Variants in AADACL4 observed in about 807,000 individuals in gnomAD.
The protein encoded by AADACL4 is arylacetamide deacetylase like 4, also known as arylacetamide deacetylase-like 4.
AADACL4 carries 9 observed loss-of-function variants against 14.1 expected under a neutral mutation model. The observed-to-expected ratio is 0.64, with a 90% confidence interval of 0.39 to 1.12. AADACL4 has a LOEUF of 1.12. Among genes scored for constraint, AADACL4 ranks in the 50% most tolerant of loss-of-function variants. The pLI is 0.01. For missense variants in AADACL4, 531 were observed against 516.1 expected, an observed-to-expected ratio of 1.03 and a Z score of -0.28; for synonymous variants, 188 against 201.6, an observed-to-expected ratio of 0.93 and a Z score of 0.57.
intron 2 of AADACL4, among the ~76,000 whole-genome samples, chr1:12,654,241 G>GT (rs1647167675): frequency 6.6e-6 from 1 of 152,182 alleles, no homozygotes; most frequent in Non-Finnish European, 1.5e-5. Flanking sequence ...CTACTGTTTG[G>GT]TTTTTGGACA....
At chr1:12,649,241 C>G (rs2100758356) in intron 1 of AADACL4, among the ~76,000 whole-genome samples, 1 of 152,328 alleles carries the variant, frequency 6.6e-6, no homozygotes, top group African/African-American at 2.4e-5. Flanking sequence ...GAACATGACT[C>G]TTGAGCCTGG....
At chr1:12,664,965 C>A (rs997153789) in intron 3 of AADACL4, among the ~76,000 whole-genome samples, 1 of 152,148 alleles carries the variant, frequency 6.6e-6, no homozygotes, top group African/African-American at 2.4e-5. Context: ...TGTTCTTCAC[C>A]AGCTGCTGGC....
intron 2 of AADACL4, among the ~76,000 whole-genome samples, chr1:12,659,416 G>A (rs3000889): frequency 0.013 from 1,947 of 152,296 alleles, 41 homozygotes; most frequent in African/African-American, 0.043. Context: ...CCGGAAAAGA[G>A]CCTTCTAGGT....
chr1:12,664,754 A>G (rs1647284984), intron 3 of AADACL4, among the ~76,000 whole-genome samples: 1 of 152,102 alleles, frequency 6.6e-6, no homozygotes, highest in African/African-American at 2.4e-5. Flanking sequence ...TAAACTCTCT[A>G]CTCCAATCAG....
intron 2 of AADACL4, among the ~76,000 whole-genome samples, chr1:12,655,292 G>A (rs1647174746): frequency 6.6e-6 from 1 of 152,090 alleles, no homozygotes; most frequent in African/African-American, 2.4e-5. Flanking sequence ...AGAGTAACTG[G>A]CCCCTGAGTC....
intron 3 of AADACL4, among the ~76,000 whole-genome samples, chr1:12,662,143 G>T (rs1647238919): frequency 6.6e-6 from 1 of 152,168 alleles, no homozygotes; most frequent in Non-Finnish European, 1.5e-5. Flanking sequence ...GAACTAGAAA[G>T]GTGTACCATG....
intron 1 of AADACL4, among the ~76,000 whole-genome samples, chr1:12,645,220 C>T (rs1314222421): frequency 7.2e-6 from 1 of 138,892 alleles, no homozygotes; most frequent in African/African-American, 2.7e-5. Flanking sequence ...TTCTTCCTTC[C>T]TCCCTATCTC....
Position 12,666,165 on chromosome 1 carries a change from G to A in AADACL4, c.654G>A (p.Gln218=). The change falls in exon 4 of 4, where the codon CAG becomes CAA. Residue 218 remains glutamine, a synonymous_variant. Coordinates refer to ENST00000376221, the MANE Select transcript of AADACL4 (RefSeq NM_001013630.2). ...GRSDLPRIRA[Q]VLIYPVVQAF... Reference sequence around the variant, plus strand: ...CAGATCTTCCCCGGATCCGGGCTCAGGTTCTGATTTATCCAGTTGTCCAGG... The same window carrying A: ...CAGATCTTCCCCGGATCCGGGCTCAAGTTCTGATTTATCCAGTTGTCCAGG... The A allele has an allele frequency of 1.9e-6, 3 of 1,614,252 alleles. No individual in the cohort carries two copies. The highest frequency in any genetic ancestry group is 2.5e-6 in the Non-Finnish European group (3 of 1,180,054).
chr1:12,659,489 T>C (rs796884250), intron 2 of AADACL4, among the ~76,000 whole-genome samples: 11 of 152,200 alleles, frequency 7.2e-5, no homozygotes, highest in African/African-American at 2.6e-4. Context: ...GCCAAAACAT[T>C]CATTAATCAA....
chr1:12,665,904 A>G, intron 3 of AADACL4, 57 bp from the exon 4 acceptor site: 1 of 1,512,088 alleles, frequency 6.6e-7, no homozygotes, highest in Non-Finnish European at 8.9e-7. Flanking sequence ...CTGTTGAAAC[A>G]GCTCCCTAGC....
At chr1:12,645,099 T>G (rs1647102857) in intron 1 of AADACL4, among the ~76,000 whole-genome samples, 1 of 134,866 alleles carries the variant, frequency 7.4e-6, no homozygotes, top group East Asian at 2.6e-4. Flanking sequence ...CTTTCCTTCC[T>G]TTTTCCTTCT....
intron 2 of AADACL4, among the ~76,000 whole-genome samples, chr1:12,652,514 G>C (rs1421721135): frequency 1.3e-5 from 2 of 152,206 alleles, no homozygotes; most frequent in African/African-American, 4.8e-5. Flanking sequence ...AAACCGTTGG[G>C]AGAATGAATT....
intron 1 of AADACL4, among the ~76,000 whole-genome samples, chr1:12,648,762 T>C (rs1647127908): frequency 6.6e-6 from 1 of 152,054 alleles, no homozygotes; most frequent in African/African-American, 2.4e-5. Context: ...AATAATCAGT[T>C]TTCCTCTCTG....
At chr1:12,655,394 A>G (rs1647175188) in intron 2 of AADACL4, among the ~76,000 whole-genome samples, 1 of 151,776 alleles carries the variant, frequency 6.6e-6, no homozygotes, top group Non-Finnish European at 1.5e-5. Context: ...GCTGCCAGGA[A>G]CCTCAGGCCT....
intron 2 of AADACL4, among the ~76,000 whole-genome samples, chr1:12,661,001 G>T (rs1327166655): frequency 6.6e-6 from 1 of 152,170 alleles, no homozygotes; most frequent in Non-Finnish European, 1.5e-5. Context: ...TACTAGTATG[G>T]AAACTTCAAC....
intron 2 of AADACL4, among the ~76,000 whole-genome samples, chr1:12,654,783 T>C (rs949931865): frequency 1.3e-5 from 2 of 152,218 alleles, no homozygotes; most frequent in African/African-American, 2.4e-5. Context: ...GAACAGTTTA[T>C]CTAAATAGCT....
At position 12,666,948 on chromosome 1, in the gene AADACL4, G is replaced by A; in HGVS notation, c.*213G>A. ...TCCAGCACTAACAATGTCCATTGCT[G>A]GATCTAGCGACATTCTCTAACATTC... On this transcript the variant is annotated 3_prime_UTR_variant, in exon 4 of 4. Coordinates refer to ENST00000376221, the MANE Select transcript of AADACL4 (RefSeq NM_001013630.2). 3.9e-6 allele frequency: 2 copies of A among 512,752 alleles called. No homozygotes were observed. The highest frequency in any genetic ancestry group is 6.7e-6 in the Non-Finnish European group (2 of 296,696). The allele number at this position is 512,752 out of a possible 1,614,324, so 31.8% of individuals were successfully genotyped here.
At chr1:12,665,453 C>T (rs1459988603) in intron 3 of AADACL4, among the ~76,000 whole-genome samples, 1 of 152,194 alleles carries the variant, frequency 6.6e-6, no homozygotes, top group Non-Finnish European at 1.5e-5. Context: ...TCTCGATCTC[C>T]TGACCTCGTG....
At chr1:12,660,383 G>A (rs1487460088) in intron 2 of AADACL4, among the ~76,000 whole-genome samples, 4 of 152,140 alleles carry the variant, frequency 2.6e-5, no homozygotes, top group African/African-American at 7.2e-5. Flanking sequence ...CACCCAAGGC[G>A]ATGTCTTGCC....
Sources: allele counts gnomAD v4.1 joint callset (sites outside exome capture counted in the v4.1 genomes callset), GRCh38; gene constraint gnomAD v4.1.1; transcripts MANE v1.5; gene names NCBI Gene and HGNC (gene_info 2026-07-23, HGNC 2026-07-21).